Variants in MAP2K1 observed in about 807,000 individuals in gnomAD.
MAP2K1 encodes the protein dual specificity mitogen-activated protein kinase kinase 1.
MAP2K1 carries 16 observed loss-of-function variants against 46.3 expected under a neutral mutation model. The ratio of observed to expected loss-of-function variants is 0.35; its 90% CI spans 0.23 to 0.52. The LOEUF is 0.52. Among genes scored for constraint, MAP2K1 ranks in the 20% least tolerant of loss-of-function variants. The pLI, the probability that MAP2K1 is intolerant of heterozygous loss-of-function variation, is 0.94. For missense variants in MAP2K1, 263 were observed against 497.1 expected (o/e 0.53, Z 4.48); for synonymous variants, 183 against 185.6 (o/e 0.99, Z 0.11).
intron 5 of MAP2K1, among the ~76,000 whole-genome samples, chr15:66,469,661 AAAAC>A (rs145676320): frequency 0.066 from 7,739 of 116,780 alleles, 304 homozygotes; most frequent in Middle Eastern, 0.14. Flanking sequence ...AGACAGAGAA[AAAAC>A]AAACCCAAAA....
At chr15:66,464,890 A>ATT (rs1892422937) in intron 5 of MAP2K1, among the ~76,000 whole-genome samples, 1 of 151,924 alleles carries the variant, frequency 6.6e-6, no homozygotes. Context: ...ACTGTAAAAA[A>ATT]TGATAAAAAT....
At chr15:66,484,935 A>AT in intron 6 of MAP2K1, 55 bp from the exon 7 acceptor site, 6 of 1,421,650 alleles carry the variant, frequency 4.2e-6, no homozygotes, top group African/African-American at 1.4e-5. Flanking sequence ...ATGCATTAGC[A>AT]GACCCAGGGG....
chr15:66,406,857 C>T (rs770726119), intron 1 of MAP2K1, among the ~76,000 whole-genome samples: 13 of 151,982 alleles, frequency 8.6e-5, no homozygotes, highest in African/African-American at 3.1e-4. Context: ...ATGGAGAAAC[C>T]CCATCTCTGC....
At chr15:66,473,707 T>G (rs1018389333) in intron 5 of MAP2K1, among the ~76,000 whole-genome samples, 7 of 152,218 alleles carry the variant, frequency 4.6e-5, no homozygotes, top group Non-Finnish European at 7.3e-5. Context: ...AGACAAAGTC[T>G]CGCTCTGTCA....
chr15:66,414,103 C>T (rs983626504), intron 1 of MAP2K1, among the ~76,000 whole-genome samples: 8 of 151,972 alleles, frequency 5.3e-5, no homozygotes, highest in East Asian at 1.9e-4. Context: ...TAGCTCCACA[C>T]GTAGAGCCTG....
chr15:66,484,985 T>G lies in MAP2K1; in HGVS notation c.694-5T>G, dbSNP rs1054274808. Reference sequence around the variant, plus strand: ...GGTGATTATCACTGTCTGTCTCTCCTGCAGCCAGAAAGACTCCAGGGGACT... The same window carrying G: ...GGTGATTATCACTGTCTGTCTCTCCGGCAGCCAGAAAGACTCCAGGGGACT... On this transcript the variant is annotated splice_polypyrimidine_tract_variant and splice_region_variant and intron_variant, in intron 6 of 10. Transcript: ENST00000307102. The G allele has an allele frequency of 6.2e-7, 1 of 1,612,128 alleles. No homozygotes were observed. Among genetic ancestry groups the G allele is most frequent in the Admixed American group, 1.7e-5 (1 of 60,020 alleles).
At chr15:66,471,455 G>A (rs1444362721) in intron 5 of MAP2K1, among the ~76,000 whole-genome samples, 1 of 152,040 alleles carries the variant, frequency 6.6e-6, no homozygotes, top group Non-Finnish European at 1.5e-5. Flanking sequence ...ACTGGGCTGG[G>A]GCCACAGAGC....
intron 5 of MAP2K1, among the ~76,000 whole-genome samples, chr15:66,476,051 C>T (rs1457393185): frequency 6.6e-6 from 1 of 152,202 alleles, no homozygotes; most frequent in Non-Finnish European, 1.5e-5. Context: ...GAAGAACATA[C>T]TTTCTGAGTT....
intron 1 of MAP2K1, among the ~76,000 whole-genome samples, chr15:66,400,127 T>G (rs1425570139): frequency 6.6e-6 from 1 of 152,198 alleles, no homozygotes; most frequent in East Asian, 1.9e-4. Flanking sequence ...TATTGGTAGA[T>G]TTGAGAACAC....
intron 7 of MAP2K1, among the ~76,000 whole-genome samples, chr15:66,486,999 T>C (rs908320308): frequency 2.0e-5 from 3 of 152,206 alleles, no homozygotes; most frequent in African/African-American, 7.2e-5. Flanking sequence ...TTTGTTTGGC[T>C]CAGCAGTGAA....
At chr15:66,415,014 C>G in intron 1 of MAP2K1, 1 of 464,304 alleles carries the variant, frequency 2.2e-6, no homozygotes, top group East Asian at 6.7e-5. Context: ...TTGCCAGCAC[C>G]ATGGTAACCC....
intron 5 of MAP2K1, among the ~76,000 whole-genome samples, chr15:66,478,403 T>G (rs1029859597): frequency 1.1e-5 from 1 of 89,690 alleles, no homozygotes; most frequent in African/African-American, 3.9e-5. Context: ...TGTGTGTGTA[T>G]ATATATATAT....
At chr15:66,474,764 A>G (rs1269148739) in intron 5 of MAP2K1, among the ~76,000 whole-genome samples, 1 of 152,064 alleles carries the variant, frequency 6.6e-6, no homozygotes, top group Non-Finnish European at 1.5e-5. Flanking sequence ...TCTGTGTGCA[A>G]TGGTTTATAA....
chr15:66,430,525 A>G (rs1389673989), intron 1 of MAP2K1, among the ~76,000 whole-genome samples: 1 of 152,090 alleles, frequency 6.6e-6, no homozygotes, highest in Non-Finnish European at 1.5e-5. Flanking sequence ...TCCTCCTGTC[A>G]TTCCTTAGGC....
At chr15:66,483,908 C>T (rs4287513) in intron 6 of MAP2K1, among the ~76,000 whole-genome samples, 27,158 of 151,656 alleles carry the variant, frequency 0.18, 3,089 homozygotes, top group Middle Eastern at 0.29. Context: ...CCACCACGCC[C>T]GGCTAATTTT....
intron 1 of MAP2K1, among the ~76,000 whole-genome samples, chr15:66,391,255 A>T (rs1183516574): frequency 1.3e-5 from 2 of 151,994 alleles, no homozygotes; most frequent in African/African-American, 4.8e-5. Context: ...CTTAATATTT[A>T]TCTCTCCTGT....
intron 5 of MAP2K1, among the ~76,000 whole-genome samples, chr15:66,456,575 C>A (rs1481459647): frequency 6.6e-6 from 1 of 152,218 alleles, no homozygotes; most frequent in Non-Finnish European, 1.5e-5. Context: ...TAGCCCCAGA[C>A]ACATCTAGTC....
intron 5 of MAP2K1, among the ~76,000 whole-genome samples, chr15:66,445,302 G>C (rs982180190): frequency 2.6e-5 from 4 of 152,266 alleles, no homozygotes; most frequent in Non-Finnish European, 4.4e-5. Flanking sequence ...TGAGGCAGGA[G>C]AATTGCTTGA....
chr15:66,399,594 A>G (rs1414595992), intron 1 of MAP2K1, among the ~76,000 whole-genome samples: 1 of 152,024 alleles, frequency 6.6e-6, no homozygotes. Context: ...ACCCGGGACT[A>G]TAGGCACGTG....
Sources: gnomAD v4.1 joint callset for allele counts (sites outside exome capture counted in the v4.1 genomes callset) on GRCh38, gnomAD v4.1.1 for gene constraint, MANE v1.5 for transcripts, NCBI Gene and HGNC (gene_info 2026-07-23, HGNC 2026-07-21) for gene names.